The following STK33 variants were observed in gnomAD, a reference collection of about 807,000 sequenced individuals.
The protein encoded by STK33 is serine/threonine-protein kinase 33.
In STK33, 52 loss-of-function variants were observed where a neutral mutation model predicts 58.0. The observed-to-expected ratio is 0.90, with a 90% CI of 0.72 to 1.13. STK33 has a LOEUF of 1.13. Among genes scored for constraint, STK33 ranks in the 50% most tolerant of loss-of-function variants. The probability of loss-of-function intolerance (pLI) is 0.00; values close to 1 mark genes in which losing one functional copy is unlikely to be tolerated. For synonymous variants in STK33, 215 were observed against 200.1 expected, an observed-to-expected ratio of 1.07 and a Z score of -0.63; for missense variants, 630 against 604.2, an observed-to-expected ratio of 1.04 and a Z score of -0.45.
chr11:8,500,357 C>T (rs1951422654), intron 1 of STK33, among the ~76,000 whole-genome samples: 1 of 152,072 alleles, frequency 6.6e-6, no homozygotes, highest in Admixed American at 6.6e-5. Context: ...CACACACACA[C>T]ACCAGCTAAT....
At chr11:8,465,925 T>C (rs546932171) in intron 6 of STK33, 3 of 152,584 alleles carry the variant, frequency 2.0e-5, no homozygotes, top group South Asian at 2.1e-4. Flanking sequence ...AGGAGGAGCA[T>C]GTCACATCTT....
chr11:8,522,941 G>C (rs1209220007), intron 1 of STK33, among the ~76,000 whole-genome samples: 1 of 152,156 alleles, frequency 6.6e-6, no homozygotes, highest in Non-Finnish European at 1.5e-5. Context: ...GCAGGCGCGC[G>C]CCACCACGCC....
Position 8,532,030 on chromosome 11 carries a change from A to T in STK33, c.-465-51416T>A, listed in dbSNP as rs114747341. Among the ~76,000 whole-genome samples, 1,070 of 152,320 alleles carry T rather than the reference A, an allele frequency of 7.0e-3. 12 individuals carry two copies. Among genetic ancestry groups the T allele is most frequent in the African/African-American group, 0.023 (975 of 41,566 alleles). Reference sequence around the variant, plus strand: ...CAGTTTCACAGCTGGGGTATATGAAACTTTTAAAGAAGAGAAGTGTAATAT... The same window carrying T: ...CAGTTTCACAGCTGGGGTATATGAATCTTTTAAAGAAGAGAAGTGTAATAT... On this transcript the variant is annotated intron_variant, in intron 1 of 15. Coordinates refer to ENST00000687296, the MANE Select transcript of STK33 (RefSeq NM_001352389.2).
Position 8,452,817 on chromosome 11 carries a change from C to G in STK33, c.871+5G>C. 3.1e-6 allele frequency: 5 copies of G among 1,613,010 alleles called. No individual in the cohort carries two copies. The East Asian group carries it at 1.1e-4, about 36-fold the overall frequency. On this transcript the variant is annotated splice_donor_5th_base_variant and intron_variant, in intron 11 of 15. Transcript: ENST00000687296. ...CAAAAATTAATTTTAAGTCTACTAA[C>G]TTACCCATATAGATAGGAGTCCCAC...
chr11:8,463,026 G>C (rs1257300899), intron 7 of STK33, among the ~76,000 whole-genome samples: 1 of 152,100 alleles, frequency 6.6e-6, no homozygotes, highest in African/African-American at 2.4e-5. Flanking sequence ...GGCAAATTTT[G>C]CCTAATTAAA....
At chr11:8,518,903 C>A (rs1269865749) in intron 1 of STK33, among the ~76,000 whole-genome samples, 1 of 152,142 alleles carries the variant, frequency 6.6e-6, no homozygotes, top group Admixed American at 6.5e-5. Flanking sequence ...GAGACTTTAA[C>A]ACCCCACTGT....
intron 1 of STK33, among the ~76,000 whole-genome samples, chr11:8,524,115 C>T (rs1953814885): frequency 6.6e-6 from 1 of 152,126 alleles, no homozygotes; most frequent in African/African-American, 2.4e-5. Context: ...TGCTTGAAGG[C>T]AGCATGCTCC....
intron 1 of STK33, among the ~76,000 whole-genome samples, chr11:8,583,237 T>C (rs1313774773): frequency 6.6e-6 from 1 of 152,196 alleles, no homozygotes; most frequent in Non-Finnish European, 1.5e-5. Flanking sequence ...TTGTCTTTTC[T>C]ACAACCCCAA....
Position 8,520,259 on chromosome 11 carries a change from A to T in STK33, c.-465-39645T>A, listed in dbSNP as rs556234147. ...GACAAAAACCACATGATTATCTCAA[A>T]AGATGCAGAAAAGGCCTTTGACAAA... On this transcript the variant is annotated intron_variant, in intron 1 of 15. Coordinates refer to ENST00000687296, the MANE Select transcript of STK33 (RefSeq NM_001352389.2). Among the ~76,000 whole-genome samples the T allele has an allele frequency of 6.6e-5, 10 of 152,156 alleles. No homozygotes were observed. In the South Asian group the frequency reaches 1.2e-3, roughly 19 times the overall value.
intron 1 of STK33, among the ~76,000 whole-genome samples, chr11:8,553,205 A>ATATATATATATATATATATATATGGTG (rs1565347738): frequency 1.1e-5 from 1 of 92,486 alleles, no homozygotes; most frequent in Admixed American, 1.1e-4. Context: ...TATGGTGTAT[A>ATATATATATATATATATATATATGGTG]TATATATATA....
chr11:8,412,834 G>C (rs1047023193), intron 15 of STK33, among the ~76,000 whole-genome samples: 1 of 152,186 alleles, frequency 6.6e-6, no homozygotes, highest in Non-Finnish European at 1.5e-5. Flanking sequence ...GGACCTTTGG[G>C]TAAACTTTGT....
At chr11:8,508,946 G>T (rs535432459) in intron 1 of STK33, among the ~76,000 whole-genome samples, 1 of 151,890 alleles carries the variant, frequency 6.6e-6, no homozygotes, top group African/African-American at 2.4e-5. Flanking sequence ...GAGGAACCCC[G>T]TCTCTACTAG....
At chr11:8,584,944 A>G (rs1311147400) in intron 1 of STK33, among the ~76,000 whole-genome samples, 2 of 130,488 alleles carry the variant, frequency 1.5e-5, no homozygotes, top group African/African-American at 5.7e-5. Context: ...TTTTTTTTTG[A>G]GATGGAGTAT....
chr11:8,399,946 A>G (rs1850088778), intron 15 of STK33, among the ~76,000 whole-genome samples: 1 of 152,244 alleles, frequency 6.6e-6, no homozygotes, highest in African/African-American at 2.4e-5. Flanking sequence ...CAATAGACCA[A>G]TAACAGGCTC....
chr11:8,394,192 T>C (rs919660314), intron 15 of STK33, among the ~76,000 whole-genome samples: 6 of 152,204 alleles, frequency 3.9e-5, no homozygotes, highest in African/African-American at 1.4e-4. Flanking sequence ...TGTATTTTTA[T>C]CGAAAACTCC....
At position 8,481,411 on chromosome 11, in the gene STK33, T is replaced by C. The variant is rs147829635; in HGVS notation, c.-465-797A>G. The stretch of plus-strand genomic sequence containing the variant: ...CATGTCCTATTTACATTGCCATTTA[T>C]GTCCAGCAAAAGACGTCCATTAAGT... On this transcript the variant is annotated intron_variant, in intron 1 of 15. Coordinates refer to ENST00000687296, the MANE Select transcript of STK33 (RefSeq NM_001352389.2). Among the ~76,000 whole-genome samples, 8 of 152,364 alleles carry C rather than the reference T, an allele frequency of 5.3e-5. No individual in the cohort carries two copies. The South Asian group carries it at 8.3e-4, about 16-fold the overall frequency.
intron 1 of STK33, among the ~76,000 whole-genome samples, chr11:8,552,403 C>T (rs955277441): frequency 2.0e-5 from 3 of 152,200 alleles, no homozygotes; most frequent in East Asian, 1.9e-4. Context: ...GCTTGGCTGA[C>T]ATCACCTTGC....
At chr11:8,519,222 A>C (rs1953136029) in intron 1 of STK33, among the ~76,000 whole-genome samples, 1 of 152,214 alleles carries the variant, frequency 6.6e-6, no homozygotes, top group African/African-American at 2.4e-5. Context: ...GAAACTGAAC[A>C]ACCTGCTCCG....
chr11:8,357,103 C>A, the STK33 span, among the ~76,000 whole-genome samples: 1 of 152,392 alleles, frequency 6.6e-6, no homozygotes, highest in South Asian at 2.1e-4. Context: ...CCCGGCAGGG[C>A]TGTCATCAGA....
Sources: gnomAD v4.1 joint callset for allele counts (sites outside exome capture counted in the v4.1 genomes callset) on GRCh38, gnomAD v4.1.1 for gene constraint, MANE v1.5 for transcripts, NCBI Gene and HGNC (gene_info 2026-07-23, HGNC 2026-07-21) for gene names.